IGSF10: variants seen among roughly 807,000 people sequenced by gnomAD.
The protein encoded by IGSF10 is immunoglobulin superfamily member 10, also known as calvaria mechanical force protein 608.
In IGSF10, 126 loss-of-function variants were observed where a neutral mutation model predicts 128.2. The observed-to-expected ratio is 0.98, with a 90% confidence interval of 0.85 to 1.14. The LOEUF is 1.14. IGSF10 is among the 50% of genes most tolerant of loss of function. The pLI, the probability that IGSF10 is intolerant of heterozygous loss-of-function variation, is 0.00. For missense variants in IGSF10, 3,295 were observed against 3,149.8 expected (o/e 1.05, Z -1.10); for synonymous variants, 1,185 against 1,146.2 (o/e 1.03, Z -0.68).
the IGSF10 span, among the ~76,000 whole-genome samples, chr3:151,533,750 A>G: frequency 3.3e-5 from 5 of 152,238 alleles, no homozygotes; most frequent in Admixed American, 6.5e-5. Flanking sequence ...ATGGGCAAGG[A>G]CTTCATGACT....
chr3:151,536,029 C>T, the IGSF10 span, among the ~76,000 whole-genome samples: 1 of 152,112 alleles, frequency 6.6e-6, no homozygotes, highest in Non-Finnish European at 1.5e-5. Flanking sequence ...TCTTCATATT[C>T]TTTGGAAGCT....
At chr3:151,604,962 C>T in the IGSF10 span, among the ~76,000 whole-genome samples, 245 of 152,234 alleles carry the variant, frequency 1.6e-3, no homozygotes, top group African/African-American at 5.6e-3. Flanking sequence ...ATTGTTGATT[C>T]ATTAACATTA....
At chr3:151,452,582 G>A (rs1429181968) in intron 5 of IGSF10, among the ~76,000 whole-genome samples, 1 of 151,988 alleles carries the variant, frequency 6.6e-6, no homozygotes, top group Non-Finnish European at 1.5e-5. Context: ...TATGCAGTGT[G>A]TGATTATGTG....
chr3:151,615,797 T>C, the IGSF10 span, among the ~76,000 whole-genome samples: 47 of 152,226 alleles, frequency 3.1e-4, no homozygotes, highest in African/African-American at 1.1e-3. Flanking sequence ...AGGATAAAGA[T>C]AGAAAAATAT....
At chr3:151,517,077 G>T in the IGSF10 span, among the ~76,000 whole-genome samples, 1 of 152,006 alleles carries the variant, frequency 6.6e-6, no homozygotes, top group Admixed American at 6.6e-5. Context: ...ATGAGGCAAT[G>T]ATTAGAAATT....
chr3:151,463,255 A>G (rs1472753432), upstream of IGSF10, among the ~76,000 whole-genome samples: 2 of 152,164 alleles, frequency 1.3e-5, no homozygotes, highest in Non-Finnish European at 2.9e-5. Flanking sequence ...CCTGAGTCAT[A>G]TTGGCACCAA....
At position 151,448,462 on chromosome 3, in the gene IGSF10, C is replaced by T. The variant is rs201198785; in HGVS notation, c.1519G>A (p.Val507Met). 55 of 1,614,220 alleles carry T rather than the reference C, an allele frequency of 3.4e-5. No homozygotes were observed. Among genetic ancestry groups the T allele is most frequent in the East Asian group, 2.0e-4 (9 of 44,894 alleles). The change falls in exon 6 of 8, where the codon GTG becomes ATG. Residue 507 changes from valine to methionine, a missense_variant. Coordinates refer to ENST00000282466, the MANE Select transcript of IGSF10 (RefSeq NM_178822.5). Reference sequence around the variant, plus strand: ...CTTCCATCAGCTAGAAGCCAATCCACGTGTGGGGTGGGGTCTCCTTGGCCT... The same window carrying T: ...CTTCCATCAGCTAGAAGCCAATCCATGTGTGGGGTGGGGTCTCCTTGGCCT... ...CPGQGDPTPH[V>M]DWLLADGSKV... is the part of the protein sequence containing the mutation.
the IGSF10 span, among the ~76,000 whole-genome samples, chr3:151,614,411 G>A: frequency 1.3e-5 from 2 of 152,124 alleles, no homozygotes; most frequent in Admixed American, 1.3e-4. Flanking sequence ...GCAAAGACTT[G>A]GAACCAACCT....
At chr3:151,559,782 G>T in the IGSF10 span, among the ~76,000 whole-genome samples, 1 of 152,108 alleles carries the variant, frequency 6.6e-6, no homozygotes, top group Non-Finnish European at 1.5e-5. Flanking sequence ...AGACTACTTC[G>T]AATAGGTTCG....
the IGSF10 span, among the ~76,000 whole-genome samples, chr3:151,587,490 T>C: frequency 3.3e-5 from 5 of 152,364 alleles, no homozygotes; most frequent in East Asian, 9.6e-4. Flanking sequence ...GAATGAATAA[T>C]TTGTTTTCTG....
chr3:151,433,650 A>T (rs1560160914), downstream of IGSF10: 1 of 152,406 alleles, frequency 6.6e-6, no homozygotes. Context: ...GTTCTCCTGA[A>T]CCTTATGCCA....
the IGSF10 span, among the ~76,000 whole-genome samples, chr3:151,531,159 T>C: frequency 3.6e-4 from 55 of 152,160 alleles, no homozygotes; most frequent in East Asian, 0.01. Flanking sequence ...TATATATGCA[T>C]CAAATACAGG....
the IGSF10 span, among the ~76,000 whole-genome samples, chr3:151,512,605 C>T: frequency 1.3e-5 from 2 of 151,980 alleles, no homozygotes; most frequent in Non-Finnish European, 2.9e-5. Flanking sequence ...CAAGAAATAA[C>T]TAAAATCAGA....
At chr3:151,608,637 T>C in the IGSF10 span, among the ~76,000 whole-genome samples, 1 of 152,182 alleles carries the variant, frequency 6.6e-6, no homozygotes, top group Admixed American at 6.6e-5. Context: ...AACACTTCTT[T>C]GTTTGTTTGT....
the IGSF10 span, among the ~76,000 whole-genome samples, chr3:151,581,956 C>G: frequency 6.6e-6 from 1 of 152,066 alleles, no homozygotes; most frequent in Non-Finnish European, 1.5e-5. Context: ...ATCCCAGCTA[C>G]TTTGGAGGCT....
At chr3:151,530,627 G>A in the IGSF10 span, among the ~76,000 whole-genome samples, 10 of 152,252 alleles carry the variant, frequency 6.6e-5, no homozygotes, top group South Asian at 2.1e-4. Context: ...CTTCATAAGC[G>A]AAGGAGAAAT....
chr3:151,558,349 G>T, the IGSF10 span, among the ~76,000 whole-genome samples: 1 of 151,938 alleles, frequency 6.6e-6, no homozygotes, highest in Admixed American at 6.6e-5. Context: ...CTCGCTTCAG[G>T]TTGGCTTTAC....
At chr3:151,545,781 T>C in the IGSF10 span, among the ~76,000 whole-genome samples, 6 of 151,030 alleles carry the variant, frequency 4.0e-5, no homozygotes, top group Non-Finnish European at 7.4e-5. Flanking sequence ...AAATCATTTG[T>C]CAATTTGATA....
At chr3:151,604,825 C>A in the IGSF10 span, among the ~76,000 whole-genome samples, 1 of 151,976 alleles carries the variant, frequency 6.6e-6, no homozygotes, top group Non-Finnish European at 1.5e-5. Context: ...AATACTGAAC[C>A]AGCACTCCTA....
Sources: allele counts gnomAD v4.1 joint callset (sites outside exome capture counted in the v4.1 genomes callset), GRCh38; gene constraint gnomAD v4.1.1; transcripts MANE v1.5; gene names NCBI Gene and HGNC (gene_info 2026-07-23, HGNC 2026-07-21).